Variants in TUBB3 observed in about 807,000 individuals in gnomAD.
TUBB3 encodes tubulin beta-3 chain.
In TUBB3, 17 loss-of-function variants were observed where a neutral mutation model predicts 37.8. That is an observed-to-expected ratio of 0.45 (90% CI 0.31 to 0.67). The LOEUF (loss-of-function observed/expected upper bound fraction) is 0.67, where lower values mean the gene tolerates loss of function less well. TUBB3 is among the 30% of genes least tolerant of loss of function. The pLI, the probability that TUBB3 is intolerant of heterozygous loss-of-function variation, is 0.07. For missense variants in TUBB3, 262 were observed against 657.9 expected (o/e 0.40, Z 6.58); for synonymous variants, 332 against 278.9 (o/e 1.19, Z -1.90).
chr16:89,933,707 A>T (rs1229291485), intron 3 of TUBB3, 129 bp downstream of exon 3: 1 of 811,140 alleles, frequency 1.2e-6, no homozygotes, highest in South Asian at 1.4e-5. Flanking sequence ...GTGGGAACTC[A>T]TCTCTCCATT....
chr16:89,932,814 G>A, intron 2 of TUBB3, 135 bp downstream of exon 2: 1 of 729,024 alleles, frequency 1.4e-6, no homozygotes. Context: ...TGGCTGAGAT[G>A]CCAGCAGGCG....
intron 3 of TUBB3, 175 bp from the exon 4 acceptor site, chr16:89,934,554 C>T (rs75635769): frequency 4.4e-5 from 30 of 681,616 alleles, no homozygotes; most frequent in Middle Eastern, 4.8e-4. Flanking sequence ...TCAGCAGCAT[C>T]GGCTCAGGGA....
intron 3 of TUBB3, 47 bp from the exon 4 acceptor site, chr16:89,934,682 T>C (rs1479567046): frequency 1.3e-6 from 2 of 1,585,258 alleles, no homozygotes; most frequent in Admixed American, 1.7e-5. Flanking sequence ...AGGTCTGGAC[T>C]GCAGAGTCCC....
chr16:89,923,958 G>T (rs1289148769), intron 1 of TUBB3, among the ~76,000 whole-genome samples: 2 of 151,902 alleles, frequency 1.3e-5, no homozygotes, highest in Non-Finnish European at 2.9e-5. Context: ...TCCCCAGCCT[G>T]CTCCGACACC....
chr16:89,923,949 C>A (rs2029976572), intron 1 of TUBB3, among the ~76,000 whole-genome samples: 1 of 152,136 alleles, frequency 6.6e-6, no homozygotes, highest in Non-Finnish European at 1.5e-5. Flanking sequence ...GCCCCGATTT[C>A]CCCAGCCTGC....
Position 89,935,565 on chromosome 16 carries a change from A to G in TUBB3, c.1114A>G (p.Thr372Ala). Residue 372 changes from threonine (T) to alanine (A), a missense_variant, in exon 4 of 4, where the codon ACG becomes GCG. Physicochemically the swap from Thr to Ala is moderately conservative, Grantham distance 58 (BLOSUM62 0). Around this residue, in one of 3 missense-constraint regions of TUBB3, gnomAD observed 165 missense variants for 556.8 expected, o/e 0.30. Coordinates refer to ENST00000315491, the MANE Select transcript of TUBB3 (RefSeq NM_006086.4). ...KMSSTFIGNS[T>A]AIQELFKRIS... ...GTCCTCCACCTTCATCGGGAACAGC[A>G]CGGCCATCCAGGAGCTGTTCAAGCG... 1 of 1,614,058 alleles carries G rather than the reference A, an allele frequency of 6.2e-7. No individual in the cohort carries two copies. Among genetic ancestry groups the G allele is most frequent in the Non-Finnish European group, 8.5e-7 (1 of 1,180,034 alleles).
At chr16:89,934,632 G>T (rs528815633) in intron 3 of TUBB3, 97 bp from the exon 4 acceptor site, 11 of 1,215,442 alleles carry the variant, frequency 9.1e-6, no homozygotes, top group Non-Finnish European at 1.1e-5. Context: ...CAGGCATGGG[G>T]CTGCCACGGC....
chr16:89,927,929 C>T (rs765721491), intron 1 of TUBB3, among the ~76,000 whole-genome samples: 105 of 152,136 alleles, frequency 6.9e-4, no homozygotes, highest in Non-Finnish European at 1.3e-3. Context: ...TTGGGGTGTC[C>T]CAGTGCTTTG....
At chr16:89,926,121 A>C (rs2030069740) in intron 1 of TUBB3, among the ~76,000 whole-genome samples, 1 of 152,138 alleles carries the variant, frequency 6.6e-6, no homozygotes, top group African/African-American at 2.4e-5. Context: ...ACTGCCGCAG[A>C]GCTGAATCTG....
chr16:89,922,935 G>T (rs902398886), upstream of TUBB3, among the ~76,000 whole-genome samples: 1 of 152,274 alleles, frequency 6.6e-6, no homozygotes, highest in Non-Finnish European at 1.5e-5. Flanking sequence ...GGATGGTGCG[G>T]GTTGGTCTCT....
At position 89,935,816 on chromosome 16, in the gene TUBB3, G is replaced by A. The variant is rs375423325; in HGVS notation, c.*12G>A. 8.0e-5 allele frequency: 129 copies of A among 1,609,472 alleles called. No individual in the cohort carries two copies. Among genetic ancestry groups the A allele is most frequent in the Non-Finnish European group, 1.1e-4 (127 of 1,177,380 alleles). The stretch of plus-strand genomic sequence containing the variant: ...AGGGCCCCAAGTGAAGCTGCTCGCA[G>A]CTGGAGTGAGAGGCAGGTGGCGGCC... On this transcript the variant is annotated 3_prime_UTR_variant, in exon 4 of 4. Transcript: ENST00000315491.
Position 89,935,084 on chromosome 16 carries a change from C to T in TUBB3, c.633C>T (p.Cys211=), listed in dbSNP as rs752127281. Residue 211 remains cysteine (C), a synonymous_variant, in exon 4 of 4, where the codon TGC becomes TGT. Transcript: ENST00000315491. ...CIDNEALYDI[C]FRTLKLATPT... is the part of the protein sequence containing the mutation. ...ACAACGAGGCGCTCTACGACATCTGCTTCCGCACCCTCAAGCTGGCCACGC... is the reference window on the plus strand; with the variant it reads ...ACAACGAGGCGCTCTACGACATCTGTTTCCGCACCCTCAAGCTGGCCACGC... 2 of 1,614,216 alleles carry T rather than the reference C, an allele frequency of 1.2e-6. No homozygotes were observed. The highest frequency in any genetic ancestry group is 1.1e-5 in the South Asian group (1 of 91,090).
intron 3 of TUBB3, chr16:89,933,898 G>A (rs947048050): frequency 9.2e-6 from 6 of 651,690 alleles, no homozygotes; most frequent in African/African-American, 1.8e-5. Context: ...GCCTTGCTGC[G>A]GTCAAGAGAT....
chr16:89,926,226 G>T (rs1325320152), intron 1 of TUBB3, among the ~76,000 whole-genome samples: 1 of 152,088 alleles, frequency 6.6e-6, no homozygotes, highest in Admixed American at 6.5e-5. Flanking sequence ...TGTCCTCCGC[G>T]CGGGCTGCGG....
In TUBB3 at chr16:89,926,080, C is replaced by G. The variant is rs867990263; in HGVS notation, c.57+2622C>G. Among the ~76,000 whole-genome samples, 5 of 152,300 alleles carry G rather than the reference C, an allele frequency of 3.3e-5. No homozygotes were observed. In the South Asian group the frequency reaches 8.3e-4, roughly 25 times the overall value. On this transcript the variant is annotated intron_variant, in intron 1 of 3. Coordinates refer to ENST00000315491, the MANE Select transcript of TUBB3 (RefSeq NM_006086.4). ...GGGCGGGCCGGGCTATGCAGAAACA[C>G]CGGGGCCCGCGGGACACAGGACGCT...
intron 1 of TUBB3, among the ~76,000 whole-genome samples, chr16:89,931,434 C>T (rs1020593857): frequency 6.6e-6 from 1 of 152,218 alleles, no homozygotes; most frequent in Non-Finnish European, 1.5e-5. Flanking sequence ...GGAAGCCTCC[C>T]AGCGTGTGTC....
chr16:89,925,977 C>T (rs145879909), intron 1 of TUBB3, among the ~76,000 whole-genome samples: 6,428 of 152,214 alleles, frequency 0.042, 470 homozygotes, highest in African/African-American at 0.15. Flanking sequence ...GTAAGCCGGG[C>T]GCAGCCCGCC....
intron 1 of TUBB3, among the ~76,000 whole-genome samples, chr16:89,923,853 G>T (rs1267629918): frequency 6.6e-6 from 1 of 152,144 alleles, no homozygotes; most frequent in African/African-American, 2.4e-5. Context: ...GGTTTGGGTG[G>T]GGTGGGGGGT....
In TUBB3 at chr16:89,934,662, C is replaced by T. The variant is rs551323045; in HGVS notation, c.278-67C>T. The T allele has an allele frequency of 4.6e-6, 7 of 1,510,530 alleles. No individual in the cohort carries two copies. In the East Asian group the frequency reaches 1.4e-4, roughly 30 times the overall value. 93.6% of individuals were successfully genotyped at this position (1,510,530 alleles called of 1,614,324 possible). A position where few individuals can be genotyped will look rare whatever the true frequency, so the allele number is the denominator to read the frequency against. On this transcript the variant is annotated intron_variant, in intron 3 of 3. Coordinates refer to ENST00000315491, the MANE Select transcript of TUBB3 (RefSeq NM_006086.4). ...CACGGCTGCCCTTGGGATGTTCAGG[C>T]AGGGGCTGGAGGTCTGGACTGCAGA...
Sources: gnomAD v4.1 joint callset for allele counts (sites outside exome capture counted in the v4.1 genomes callset) on GRCh38, gnomAD v4.1.1 for gene constraint, gnomAD v4.1.1 regional missense constraint, MANE v1.5 for transcripts, NCBI Gene and HGNC (gene_info 2026-07-23, HGNC 2026-07-21) for gene names.